The following FGGY variants were observed in gnomAD, a reference collection of about 807,000 sequenced individuals.
FGGY encodes the protein FGGY carbohydrate kinase domain-containing protein.
Under a neutral mutation model 71.3 loss-of-function variants are expected in FGGY, and 72 were observed. That is an observed-to-expected ratio of 1.01 (90% confidence interval 0.84 to 1.23). The LOEUF (loss-of-function observed/expected upper bound fraction) is 1.23. FGGY is among the 50% of genes most tolerant of loss of function. The probability of loss-of-function intolerance (pLI) is 0.00; values close to 1 mark genes in which losing one functional copy is unlikely to be tolerated. For missense variants in FGGY, 668 were observed against 682.3 expected (o/e 0.98, Z 0.23); for synonymous variants, 251 against 250.3 (o/e 1.00, Z -0.02).
At chr1:59,317,304 C>T (rs1301584843) in intron 1 of FGGY, among the ~76,000 whole-genome samples, 1 of 152,150 alleles carries the variant, frequency 6.6e-6, no homozygotes, top group Non-Finnish European at 1.5e-5. Context: ...TGGTTCAAAT[C>T]CTGATGCCAT....
intron 5 of FGGY, among the ~76,000 whole-genome samples, chr1:59,445,769 G>A (rs140432133): frequency 1.5e-4 from 23 of 152,266 alleles, no homozygotes; most frequent in Non-Finnish European, 2.8e-4. Context: ...AGAAAAACAC[G>A]AGAAATTAAA....
chr1:59,722,186 T>C (rs1014591558), intron 14 of FGGY, among the ~76,000 whole-genome samples: 4 of 151,516 alleles, frequency 2.6e-5, no homozygotes, highest in African/African-American at 4.8e-5. Context: ...TTTTTCATGA[T>C]TGGAGTTTTG....
chr1:59,652,180 T>C, intron 11 of FGGY, among the ~76,000 whole-genome samples: 1 of 151,834 alleles, frequency 6.6e-6, no homozygotes, highest in Non-Finnish European at 1.5e-5. Flanking sequence ...CTGGCTGCCC[T>C]TAACATTTTT....
chr1:59,715,862 T>G (rs2097842504), intron 14 of FGGY, among the ~76,000 whole-genome samples: 1 of 152,234 alleles, frequency 6.6e-6, no homozygotes. Context: ...TTTTGCCTAC[T>G]GACTGTTTTT....
At chr1:59,698,742 C>A in intron 14 of FGGY, 1 of 985,368 alleles carries the variant, frequency 1.0e-6, no homozygotes, top group Non-Finnish European at 1.2e-6. Flanking sequence ...AGTTCGTTTT[C>A]CATTTCATCT....
chr1:59,606,078 C>G (rs2096620932), intron 8 of FGGY, among the ~76,000 whole-genome samples: 1 of 152,074 alleles, frequency 6.6e-6, no homozygotes, highest in African/African-American at 2.4e-5. Context: ...CCCACCCGTT[C>G]TAGTTCATCT....
chr1:59,663,831 T>C (rs1343696970), intron 12 of FGGY, among the ~76,000 whole-genome samples: 1 of 152,168 alleles, frequency 6.6e-6, no homozygotes, highest in East Asian at 1.9e-4. Flanking sequence ...AATGTTCAAC[T>C]TGGGAAAAAA....
intron 5 of FGGY, among the ~76,000 whole-genome samples, chr1:59,388,559 G>A (rs2060344404): frequency 6.6e-6 from 1 of 152,092 alleles, no homozygotes; most frequent in African/African-American, 2.4e-5. Flanking sequence ...CCTGCCTGTG[G>A]TGACTACAGT....
intron 6 of FGGY, among the ~76,000 whole-genome samples, chr1:59,471,466 G>T (rs1244136432): frequency 6.6e-6 from 1 of 152,172 alleles, no homozygotes; most frequent in Non-Finnish European, 1.5e-5. Context: ...CTGTCACCCT[G>T]AGCTTTTGAT....
chr1:59,747,855 G>T (rs2098213471), intron 14 of FGGY, among the ~76,000 whole-genome samples: 1 of 152,178 alleles, frequency 6.6e-6, no homozygotes, highest in Admixed American at 6.5e-5. Context: ...AAAATAAATT[G>T]TCATGAACTA....
At chr1:59,675,500 G>A (rs1558766078) in intron 14 of FGGY, among the ~76,000 whole-genome samples, 1 of 152,194 alleles carries the variant, frequency 6.6e-6, no homozygotes, top group Non-Finnish European at 1.5e-5. Context: ...ACTAATGACT[G>A]TGAAATCTCC....
At chr1:59,549,690 A>T (rs534722570) in intron 7 of FGGY, among the ~76,000 whole-genome samples, 6 of 152,352 alleles carry the variant, frequency 3.9e-5, no homozygotes, top group African/African-American at 1.4e-4. Flanking sequence ...TTTTTCTTCT[A>T]TATAACCTTG....
At chr1:59,484,725 C>T (rs2153573944) in intron 6 of FGGY, among the ~76,000 whole-genome samples, 1 of 152,204 alleles carries the variant, frequency 6.6e-6, no homozygotes, top group South Asian at 2.1e-4. Context: ...AAATAAAATT[C>T]ACCATGATAA....
At chr1:59,364,004 A>G (rs1435896525) in intron 4 of FGGY, among the ~76,000 whole-genome samples, 1 of 152,198 alleles carries the variant, frequency 6.6e-6, no homozygotes, top group Non-Finnish European at 1.5e-5. Context: ...ATAGACTCCA[A>G]AGAAATGCCA....
At chr1:59,409,779 T>G (rs11576871) in intron 5 of FGGY, among the ~76,000 whole-genome samples, 1 of 151,956 alleles carries the variant, frequency 6.6e-6, no homozygotes, top group African/African-American at 2.4e-5. Context: ...TTTGGAAATT[T>G]CCTTCTGGTA....
intron 3 of FGGY, among the ~76,000 whole-genome samples, chr1:59,344,207 T>C (rs1236444441): frequency 6.6e-6 from 1 of 152,054 alleles, no homozygotes; most frequent in Admixed American, 6.6e-5. Context: ...TGTGGAGCTT[T>C]TGTGGGAGGT....
chr1:59,565,933 A>G (rs551687458), intron 8 of FGGY, among the ~76,000 whole-genome samples: 1 of 152,284 alleles, frequency 6.6e-6, no homozygotes, highest in South Asian at 2.1e-4. Flanking sequence ...GAGACTCCCT[A>G]TTTAATCTTC....
At chr1:59,389,410 A>G (rs1468982347) in intron 5 of FGGY, among the ~76,000 whole-genome samples, 1 of 152,102 alleles carries the variant, frequency 6.6e-6, no homozygotes, top group Non-Finnish European at 1.5e-5. Context: ...TTTCTTTTTT[A>G]TGACTGAATA....
intron 5 of FGGY, among the ~76,000 whole-genome samples, chr1:59,454,499 A>G (rs887859024): frequency 2.4e-4 from 37 of 152,226 alleles, no homozygotes; most frequent in African/African-American, 7.2e-5. Flanking sequence ...TATTTATGCC[A>G]CTTAGCATAG....
Sources: gnomAD v4.1 joint callset for allele counts (sites outside exome capture counted in the v4.1 genomes callset) on GRCh38, gnomAD v4.1.1 for gene constraint, MANE v1.5 for transcripts, NCBI Gene and HGNC (gene_info 2026-07-23, HGNC 2026-07-21) for gene names.